CIMIP2A: variants seen among roughly 807,000 people sequenced by gnomAD.
CIMIP2A encodes ciliary microtubule inner protein 2A, also known as family with sequence similarity 166 member A.
the CIMIP2A span, among the ~76,000 whole-genome samples, chr9:137,247,923 C>T: frequency 3.9e-5 from 6 of 152,302 alleles, no homozygotes; most frequent in Admixed American, 1.3e-4. Context: ...GGAGGAGTTG[C>T]GGTGAGGCAG....
chr9:137,253,594 C>T, the CIMIP2A span: 1 of 1,045,716 alleles, frequency 9.6e-7, no homozygotes. Flanking sequence ...TCAGCTGCCC[C>T]TGAAAGGTGC....
chr9:137,248,388 C>T, the CIMIP2A span, among the ~76,000 whole-genome samples: 3 of 151,704 alleles, frequency 2.0e-5, no homozygotes, highest in Non-Finnish European at 2.9e-5. Flanking sequence ...ACTAAAAATA[C>T]AAAAATTAGC....
At chr9:137,250,113 T>G in the CIMIP2A span, 1 of 152,196 alleles carries the variant, frequency 6.6e-6, no homozygotes, top group Non-Finnish European at 1.5e-5. Context: ...CCCCCCTCCC[T>G]CAACATTTGG....
At chr9:137,245,370 T>A in the CIMIP2A span, 7 of 1,612,258 alleles carry the variant, frequency 4.3e-6, no homozygotes, top group East Asian at 8.9e-5. Flanking sequence ...CCCCGTATAC[T>A]GGGTGTCCCA....
chr9:137,245,031 T>C, the CIMIP2A span: 12 of 1,609,776 alleles, frequency 7.5e-6, no homozygotes, highest in Non-Finnish European at 1.0e-5. Flanking sequence ...GCTCTCACAC[T>C]GCAAGAACCT....
At chr9:137,253,284 T>C in the CIMIP2A span, 1 of 1,581,592 alleles carries the variant, frequency 6.3e-7, no homozygotes, top group Non-Finnish European at 8.6e-7. Context: ...GGCCACCGAG[T>C]GGAACCATGG....
the CIMIP2A span, chr9:137,251,809 TGAA>T: frequency 6.2e-7 from 1 of 1,601,130 alleles, no homozygotes; most frequent in South Asian, 1.1e-5. Context: ...CCCCCAAAGA[TGAA>T]GGAGATCCCA....
the CIMIP2A span, among the ~76,000 whole-genome samples, chr9:137,246,472 A>C: frequency 6.6e-6 from 1 of 152,172 alleles, no homozygotes; most frequent in Non-Finnish European, 1.5e-5. Flanking sequence ...CGTCTTAAAA[A>C]CTGCCAAAGG....
At chr9:137,243,741 C>T in the CIMIP2A span, 13 of 1,614,020 alleles carry the variant, frequency 8.1e-6, no homozygotes, top group Admixed American at 3.3e-5. Flanking sequence ...TTCCAGTAGG[C>T]CCTCCGGGTG....
chr9:137,255,088 G>T, the CIMIP2A span: 2 of 159,176 alleles, frequency 1.3e-5, no homozygotes, highest in Non-Finnish European at 2.7e-5. Context: ...CGGCTGCGAC[G>T]ACGTCCGTTC....
the CIMIP2A span, chr9:137,243,878 G>T: frequency 7.4e-7 from 1 of 1,347,946 alleles, no homozygotes; most frequent in Non-Finnish European, 1.1e-6. Flanking sequence ...GTGTGGGGCT[G>T]CCCTGGGCCC....
At chr9:137,251,866 C>T in the CIMIP2A span, 1 of 1,608,570 alleles carries the variant, frequency 6.2e-7, no homozygotes, top group Non-Finnish European at 8.5e-7. Flanking sequence ...GAGTCCCTGC[C>T]CACCTACACC....
At chr9:137,254,258 G>A in the CIMIP2A span, among the ~76,000 whole-genome samples, 21 of 152,370 alleles carry the variant, frequency 1.4e-4, no homozygotes, top group South Asian at 1.4e-3. Context: ...TGTGTGCTGT[G>A]ACCCTTGTCC....
the CIMIP2A span, chr9:137,244,866 C>T: frequency 3.3e-5 from 52 of 1,566,024 alleles, no homozygotes; most frequent in Non-Finnish European, 4.2e-5. Flanking sequence ...TGGCGACTGT[C>T]TGATGTGGCC....
chr9:137,252,167 G>C, the CIMIP2A span: 2 of 1,587,038 alleles, frequency 1.3e-6, no homozygotes, highest in East Asian at 2.2e-5. Flanking sequence ...CCCAACCACC[G>C]GGCCTGTCCC....
chr9:137,245,001 C>CT, the CIMIP2A span: 3 of 1,608,932 alleles, frequency 1.9e-6, no homozygotes, highest in Non-Finnish European at 2.5e-6. Context: ...AAGTGGGCCC[C>CT]TGTGGCAGCC....
the CIMIP2A span, among the ~76,000 whole-genome samples, chr9:137,249,342 G>A: frequency 2.0e-5 from 3 of 152,150 alleles, no homozygotes; most frequent in South Asian, 4.1e-4. Flanking sequence ...TATGGATCAC[G>A]TCCATACAAG....
At chr9:137,251,226 G>T in the CIMIP2A span, 4 of 1,130,106 alleles carry the variant, frequency 3.5e-6, no homozygotes, top group Admixed American at 6.7e-5. Context: ...CAACAGAGGG[G>T]CCTACCAGTG....
the CIMIP2A span, chr9:137,252,315 G>A: frequency 7.6e-7 from 1 of 1,317,254 alleles, no homozygotes; most frequent in Non-Finnish European, 1.1e-6. Flanking sequence ...GCTGGGGCAT[G>A]GGTGGACATT....
Sources: allele counts gnomAD v4.1 joint callset (sites outside exome capture counted in the v4.1 genomes callset), GRCh38; gene constraint gnomAD v4.1.1; transcripts MANE v1.5; gene names NCBI Gene and HGNC (gene_info 2026-07-23, HGNC 2026-07-21).